Variants in PDE4B observed in about 807,000 individuals in gnomAD.
PDE4B encodes 3',5'-cyclic-AMP phosphodiesterase 4B.
Under a neutral mutation model 82.2 loss-of-function variants are expected in PDE4B, and 20 were observed. The ratio of observed to expected loss-of-function variants is 0.24; its 90% CI spans 0.17 to 0.35. The LOEUF (loss-of-function observed/expected upper bound fraction) is 0.35, where lower values mean the gene tolerates loss of function less well. Among genes scored for constraint, PDE4B ranks in the 10% least tolerant of loss-of-function variants. The pLI is 1.00. For missense variants in PDE4B, 655 were observed against 907.2 expected, an observed-to-expected ratio of 0.72 and a Z score of 3.57; for synonymous variants, 320 against 318.9, an observed-to-expected ratio of 1.00 and a Z score of -0.04.
intron 3 of PDE4B, among the ~76,000 whole-genome samples, chr1:66,066,505 C>T (rs1036330590): frequency 1.3e-4 from 20 of 151,882 alleles, no homozygotes; most frequent in African/African-American, 4.8e-4. Context: ...AACTATCACA[C>T]TTTAGCACCG....
At chr1:66,181,338 G>T (rs1054614032) in intron 3 of PDE4B, among the ~76,000 whole-genome samples, 4 of 152,152 alleles carry the variant, frequency 2.6e-5, no homozygotes, top group African/African-American at 7.2e-5. Context: ...TGTTATTCTA[G>T]CTAACCTAAA....
At chr1:66,154,397 G>A (rs900819740) in intron 3 of PDE4B, among the ~76,000 whole-genome samples, 2 of 152,118 alleles carry the variant, frequency 1.3e-5, no homozygotes, top group Admixed American at 6.6e-5. Context: ...TGACCCATGA[G>A]CATATGTAGG....
chr1:66,361,821 GTAGCTCTCTGCTTTA>G, intron 10 of PDE4B, 28 bp downstream of exon 10: 1 of 1,576,392 alleles, frequency 6.3e-7, no homozygotes, highest in Non-Finnish European at 8.7e-7. Flanking sequence ...TTTTGTGCAT[GTAGCTCTCTGCTTTA>G]CAGCAGACGG....
At chr1:66,246,980 A>T (rs1653362673) in intron 3 of PDE4B, among the ~76,000 whole-genome samples, 2 of 152,210 alleles carry the variant, frequency 1.3e-5, no homozygotes, top group Non-Finnish European at 2.9e-5. Context: ...CGTGTATTGT[A>T]TATTTAATGA....
intron 1 of PDE4B, among the ~76,000 whole-genome samples, chr1:65,809,462 A>G (rs1475374680): frequency 6.6e-6 from 1 of 152,162 alleles, no homozygotes; most frequent in African/African-American, 2.4e-5. Flanking sequence ...TTTCAAATGG[A>G]AAATACACTC....
chr1:66,057,555 A>G (rs748217491), intron 3 of PDE4B, among the ~76,000 whole-genome samples: 1 of 152,200 alleles, frequency 6.6e-6, no homozygotes, highest in African/African-American at 2.4e-5. Flanking sequence ...AAAGAGGTTT[A>G]TTGGACTTAC....
intron 7 of PDE4B, among the ~76,000 whole-genome samples, chr1:66,287,593 A>T (rs1656769755): frequency 6.6e-6 from 1 of 152,124 alleles, no homozygotes; most frequent in Non-Finnish European, 1.5e-5. Context: ...CCTGGGCCCA[A>T]ATTCTGGCCT....
intron 3 of PDE4B, among the ~76,000 whole-genome samples, chr1:66,039,432 G>A (rs545731693): frequency 6.7e-4 from 102 of 152,102 alleles, no homozygotes; most frequent in African/African-American, 2.2e-3. Flanking sequence ...TTATCTAACA[G>A]TATTATTATT....
At chr1:65,947,885 T>C (rs1648790900) in intron 3 of PDE4B, among the ~76,000 whole-genome samples, 1 of 151,078 alleles carries the variant, frequency 6.6e-6, no homozygotes, top group Non-Finnish European at 1.5e-5. Flanking sequence ...ACTTAGTTTG[T>C]GTACTTTGTT....
intron 3 of PDE4B, among the ~76,000 whole-genome samples, chr1:66,200,278 G>A (rs184516044): frequency 0.013 from 2,024 of 152,240 alleles, 78 homozygotes; most frequent in Admixed American, 0.079. Context: ...GTCAGGTAGC[G>A]TGATGCCTCC....
At chr1:65,916,110 C>T (rs1036223264) in intron 2 of PDE4B, among the ~76,000 whole-genome samples, 7 of 152,136 alleles carry the variant, frequency 4.6e-5, no homozygotes, top group Admixed American at 1.3e-4. Flanking sequence ...AATAAATCTG[C>T]ATGAGTTAAT....
chr1:66,337,365 T>A (rs757708367), intron 8 of PDE4B, among the ~76,000 whole-genome samples: 3 of 152,206 alleles, frequency 2.0e-5, no homozygotes, highest in Non-Finnish European at 2.9e-5. Flanking sequence ...GACCCCCACA[T>A]TCTCTGTCCA....
chr1:66,021,165 T>C (rs1653085404), intron 3 of PDE4B, among the ~76,000 whole-genome samples: 1 of 152,214 alleles, frequency 6.6e-6, no homozygotes, highest in African/African-American at 2.4e-5. Context: ...ATGGGGTTGT[T>C]TGATTTTTTC....
At chr1:65,895,147 G>T (rs1646894924) in intron 1 of PDE4B, among the ~76,000 whole-genome samples, 1 of 152,108 alleles carries the variant, frequency 6.6e-6, no homozygotes, top group South Asian at 2.1e-4. Context: ...GAGGCAAAAT[G>T]ATGGAAAAAT....
intron 4 of PDE4B, among the ~76,000 whole-genome samples, chr1:66,253,597 A>G (rs1192801818): frequency 6.6e-6 from 1 of 152,234 alleles, no homozygotes; most frequent in East Asian, 1.9e-4. Context: ...TAAGAAGTGT[A>G]TCAGTTTTCA....
At chr1:65,968,313 A>G (rs535587078) in intron 3 of PDE4B, among the ~76,000 whole-genome samples, 1 of 152,232 alleles carries the variant, frequency 6.6e-6, no homozygotes, top group African/African-American at 2.4e-5. Context: ...TTCTTTCTCT[A>G]TTGCCAAAGC....
Position 66,156,660 on chromosome 1 carries a change from C to G in PDE4B, c.282-90800C>G, listed in dbSNP as rs939662497. ...GCAAAGCCCAAGAGTTGTCTATGTT[C>G]ATTATCTTGACTTTCTCACCTAACA... On this transcript the variant is annotated intron_variant, in intron 3 of 16. Coordinates refer to ENST00000341517, the MANE Select transcript of PDE4B (RefSeq NM_002600.4). 5.3e-5 allele frequency among the ~76,000 whole-genome samples: 8 copies of G among 152,016 alleles called. No homozygotes were observed. In the East Asian group the frequency reaches 1.5e-3, roughly 29 times the overall value.
At chr1:66,203,295 T>C (rs1649190453) in intron 3 of PDE4B, among the ~76,000 whole-genome samples, 1 of 152,146 alleles carries the variant, frequency 6.6e-6, no homozygotes, top group Non-Finnish European at 1.5e-5. Context: ...TTCCTTCATT[T>C]CAACTTTGTT....
intron 7 of PDE4B, among the ~76,000 whole-genome samples, chr1:66,310,046 C>T (rs528858957): frequency 6.6e-6 from 1 of 152,200 alleles, no homozygotes; most frequent in African/African-American, 2.4e-5. Context: ...GGCCTCTGGG[C>T]ACCTACAAAA....
Sources: allele counts gnomAD v4.1 joint callset (sites outside exome capture counted in the v4.1 genomes callset), GRCh38; gene constraint gnomAD v4.1.1; transcripts MANE v1.5; gene names NCBI Gene and HGNC (gene_info 2026-07-23, HGNC 2026-07-21).